Variants in SYN3 observed in about 807,000 individuals in gnomAD.
The protein encoded by SYN3 is synapsin III.
A neutral mutation model predicts 65.8 loss-of-function variants in SYN3; 35 were observed. The ratio of observed to expected loss-of-function variants is 0.53; its 90% CI spans 0.41 to 0.70. SYN3 has a LOEUF of 0.70. SYN3 is among the 30% of genes least tolerant of loss of function. The probability of loss-of-function intolerance (pLI) is 0.00; values close to 1 mark genes in which losing one functional copy is unlikely to be tolerated. For synonymous variants in SYN3, 270 were observed against 292.9 expected (o/e 0.92, Z 0.80); for missense variants, 680 against 749.0 (o/e 0.91, Z 1.08).
intron 6 of SYN3, among the ~76,000 whole-genome samples, chr22:32,668,081 G>A (rs1474443864): frequency 6.6e-6 from 1 of 152,136 alleles, no homozygotes; most frequent in Non-Finnish European, 1.5e-5. Context: ...GTGAGCCACC[G>A]TGCCCAGCTT....
rs2046576156 is a variant in SYN3, at chr22:32,801,520, A to G, written c.711+63395T>C. 6.6e-6 allele frequency among the ~76,000 whole-genome samples: 1 copy of G among 152,042 alleles called. No individual in the cohort carries two copies. Among genetic ancestry groups the G allele is most frequent in the Admixed American group, 6.5e-5 (1 of 15,286 alleles). On this transcript the variant is annotated intron_variant, in intron 6 of 13. Coordinates refer to ENST00000358763, the MANE Select transcript of SYN3 (RefSeq NM_003490.4). The surrounding 1 kb of genome is among the most constrained non-coding windows in gnomAD (Gnocchi z 4.7). Reference sequence around the variant, plus strand: ...TGCCCACGGCGGCATTATTCCCTATAAGGATCTGAACGATCCGGGGGCGGC... The same window carrying G: ...TGCCCACGGCGGCATTATTCCCTATGAGGATCTGAACGATCCGGGGGCGGC...
At chr22:33,001,963 A>T (rs915490979) in intron 2 of SYN3, among the ~76,000 whole-genome samples, 1 of 152,174 alleles carries the variant, frequency 6.6e-6, no homozygotes, top group African/African-American at 2.4e-5. Context: ...AGCAGAGAAC[A>T]CTCAAAATCA....
chr22:32,838,238 A>G (rs1368435188), intron 6 of SYN3, among the ~76,000 whole-genome samples: 1 of 152,212 alleles, frequency 6.6e-6, no homozygotes, highest in Non-Finnish European at 1.5e-5. Flanking sequence ...ATGAATTTCA[A>G]GTGGACTTGA....
intron 6 of SYN3, among the ~76,000 whole-genome samples, chr22:32,796,018 T>C (rs961449054): frequency 1.3e-5 from 2 of 152,136 alleles, no homozygotes; most frequent in Admixed American, 6.5e-5. Flanking sequence ...TTGTGTGTAT[T>C]CTCTGTGTGA....
At chr22:32,802,055 C>T in intron 6 of SYN3, 2 of 1,577,266 alleles carry the variant, frequency 1.3e-6, no homozygotes, top group East Asian at 2.3e-5. Context: ...GCCTGGGGGA[C>T]TGGGGCGCCG....
rs183831878 is a variant in SYN3, at chr22:32,898,156, C to T, written c.462-29031G>A. Among the ~76,000 whole-genome samples the T allele has an allele frequency of 5.8e-3, 879 of 152,214 alleles. 23 individuals are homozygous for T. Among genetic ancestry groups the T allele is most frequent in the Admixed American group, 0.039 (590 of 15,292 alleles). On this transcript the variant is annotated intron_variant, in intron 4 of 13. Transcript: ENST00000358763. ...GATTACAGGTGTGCGTCACCACATC[C>T]GGCTAATTTTTGTATTTTTAGTAGA...
At chr22:32,809,981 T>A (rs1354104129) in intron 6 of SYN3, among the ~76,000 whole-genome samples, 1 of 152,212 alleles carries the variant, frequency 6.6e-6, no homozygotes, top group Non-Finnish European at 1.5e-5. Flanking sequence ...ATGCCTGGGA[T>A]AGACAGCAGG....
chr22:32,937,288 A>C (rs947454492), intron 3 of SYN3, among the ~76,000 whole-genome samples: 2 of 152,240 alleles, frequency 1.3e-5, no homozygotes, highest in African/African-American at 4.8e-5. Context: ...TAAAAATGAA[A>C]CTTGTAGAGA....
At chr22:32,757,696 C>T (rs908349785) in intron 6 of SYN3, among the ~76,000 whole-genome samples, 1 of 152,162 alleles carries the variant, frequency 6.6e-6, no homozygotes, top group Non-Finnish European at 1.5e-5. Flanking sequence ...GTCTACTACT[C>T]CATAAAGGAG....
At chr22:32,935,381 T>C (rs565781710) in intron 3 of SYN3, among the ~76,000 whole-genome samples, 1 of 151,986 alleles carries the variant, frequency 6.6e-6, no homozygotes, top group East Asian at 1.9e-4. Context: ...CAGAATTACT[T>C]AAATATTCTG....
intron 6 of SYN3, among the ~76,000 whole-genome samples, chr22:32,627,986 G>A (rs1406701586): frequency 6.6e-6 from 1 of 152,010 alleles, no homozygotes. Context: ...ATGCCACCAC[G>A]CCCAGCTAAT....
At chr22:32,724,757 C>A (rs1171062507) in intron 6 of SYN3, among the ~76,000 whole-genome samples, 1 of 152,056 alleles carries the variant, frequency 6.6e-6, no homozygotes, top group Admixed American at 6.6e-5. Flanking sequence ...GGGAAGGATG[C>A]CATTAGGACT....
intron 3 of SYN3, among the ~76,000 whole-genome samples, chr22:32,975,166 G>T (rs1243118842): frequency 6.6e-6 from 1 of 152,132 alleles, no homozygotes. Flanking sequence ...CATGAGGTCA[G>T]GAGATTGAGA....
intron 3 of SYN3, among the ~76,000 whole-genome samples, chr22:32,939,681 A>G (rs1434221925): frequency 3.9e-5 from 6 of 152,216 alleles, no homozygotes; most frequent in African/African-American, 1.4e-4. Flanking sequence ...TGTGGTTAGC[A>G]GCAGTCATTC....
At chr22:33,054,797 T>C (rs2054228800) in intron 1 of SYN3, among the ~76,000 whole-genome samples, 1 of 152,222 alleles carries the variant, frequency 6.6e-6, no homozygotes, top group African/African-American at 2.4e-5. Context: ...TATACTACAT[T>C]TTGTTTATTC....
At chr22:32,910,868 C>T (rs550269055) in intron 4 of SYN3, among the ~76,000 whole-genome samples, 13 of 152,214 alleles carry the variant, frequency 8.5e-5, no homozygotes, top group African/African-American at 3.1e-4. Context: ...TTTTATCTAA[C>T]CTTTATAAGC....
chr22:32,565,073 C>CCAGA (rs1438086121), intron 7 of SYN3, among the ~76,000 whole-genome samples: 27 of 148,374 alleles, frequency 1.8e-4, no homozygotes, highest in African/African-American at 6.8e-4. Flanking sequence ...AACAGTGCTC[C>CCAGA]CTGACTGTAC....
At chr22:32,936,497 AC>A (rs1301134331) in intron 3 of SYN3, among the ~76,000 whole-genome samples, 3 of 151,918 alleles carry the variant, frequency 2.0e-5, no homozygotes, top group Non-Finnish European at 4.4e-5. Context: ...AATAAAACAA[AC>A]AAACAAACAA....
intron 12 of SYN3, among the ~76,000 whole-genome samples, chr22:32,518,972 T>C (rs996569060): frequency 9.9e-5 from 15 of 152,102 alleles, no homozygotes; most frequent in African/African-American, 3.6e-4. Flanking sequence ...GAGAAAGAAA[T>C]ATCAGGAGTG....
Sources: gnomAD v4.1 joint callset for allele counts (sites outside exome capture counted in the v4.1 genomes callset) on GRCh38, gnomAD v4.1.1 for gene constraint, Gnocchi (gnomAD v3.1) non-coding constraint, MANE v1.5 for transcripts, NCBI Gene and HGNC (gene_info 2026-07-23, HGNC 2026-07-21) for gene names.